Variants in WDR75 observed in about 807,000 individuals in gnomAD.
The protein encoded by WDR75 is WD repeat domain 75, also known as WD repeat-containing protein 75.
In WDR75, 52 loss-of-function variants were observed where a neutral mutation model predicts 106.1. The observed-to-expected ratio is 0.49, with a 90% confidence interval of 0.39 to 0.62. The LOEUF is 0.62. Among genes scored for constraint, WDR75 ranks in the 20% least tolerant of loss-of-function variants. WDR75 has a pLI of 0.00. For synonymous variants in WDR75, 333 were observed against 335.5 expected (o/e 0.99, Z 0.08); for missense variants, 905 against 970.3 (o/e 0.93, Z 0.89).
At chr2:189,450,725 G>T in intron 2 of WDR75, 178 bp from the exon 3 acceptor site, 4 of 1,400,754 alleles carry the variant, frequency 2.9e-6, no homozygotes, top group Non-Finnish European at 3.7e-6. Context: ...TCTGCTTCTT[G>T]CAGAAAGCTG....
intron 18 of WDR75, among the ~76,000 whole-genome samples, 181 bp from the exon 19 acceptor site, chr2:189,474,005 C>T (rs1478462117): frequency 2.0e-5 from 3 of 152,172 alleles, no homozygotes; most frequent in Non-Finnish European, 2.9e-5. Context: ...TAGCTCTTCT[C>T]ATAAGTGGGA....
chr2:189,464,687 G>A (rs142847444), intron 11 of WDR75, among the ~76,000 whole-genome samples: 168 of 152,100 alleles, frequency 1.1e-3, no homozygotes, highest in African/African-American at 3.7e-3. Context: ...CTTAAAGATT[G>A]TAGGTTTATT....
chr2:189,469,764 A>G (rs773439812), intron 16 of WDR75, among the ~76,000 whole-genome samples: 4 of 152,090 alleles, frequency 2.6e-5, no homozygotes, highest in African/African-American at 7.2e-5. Context: ...CAGTTTCTAC[A>G]TATCTCATTT....
chr2:189,458,894 A>G, intron 7 of WDR75, 22 bp downstream of exon 7: 1 of 1,592,780 alleles, frequency 6.3e-7, no homozygotes, highest in Non-Finnish European at 8.5e-7. Flanking sequence ...CATGAAGAGC[A>G]TGGCGATCAT....
chr2:189,459,820 T>C (rs1396396174), intron 8 of WDR75, among the ~76,000 whole-genome samples: 2 of 152,196 alleles, frequency 1.3e-5, no homozygotes, highest in Non-Finnish European at 2.9e-5. Context: ...ATTATACTCA[T>C]TTTACAGATA....
At chr2:189,459,557 T>C (rs1686817209) in intron 8 of WDR75, 133 bp downstream of exon 8, 1 of 835,644 alleles carries the variant, frequency 1.2e-6, no homozygotes, top group Admixed American at 2.7e-5. Context: ...GTGTTACCCC[T>C]GTATTTTGGG....
chr2:189,458,855 T>C lies in WDR75; in HGVS notation c.672T>C (p.Asp224=), dbSNP rs751968810. The C allele has an allele frequency of 2.5e-6, 4 of 1,602,182 alleles. No individual in the cohort carries two copies. In the African/African-American group the frequency reaches 5.4e-5, roughly 22 times the overall value. The change falls in exon 7 of 21, where the codon GAT becomes GAC. Residue 224 remains aspartate, a synonymous_variant. Transcript: ENST00000314761. ...TEDCIASGHM[D]GKIRLWRNFY... Reference sequence around the variant, plus strand: ...ACTGCATCGCATCTGGTCACATGGATGGCAAAATTCGTCTTTGGTCAGTTT... The same window carrying C: ...ACTGCATCGCATCTGGTCACATGGACGGCAAAATTCGTCTTTGGTCAGTTT...
chr2:189,462,194 T>C (rs757083625), intron 8 of WDR75, among the ~76,000 whole-genome samples: 3 of 151,848 alleles, frequency 2.0e-5, no homozygotes, highest in African/African-American at 4.8e-5. Flanking sequence ...TTTAGAAAAA[T>C]TTATCAGTGA....
intron 6 of WDR75, among the ~76,000 whole-genome samples, chr2:189,458,016 C>T (rs926794762): frequency 2.6e-5 from 4 of 151,214 alleles, no homozygotes; most frequent in African/African-American, 4.9e-5. Flanking sequence ...CTCCGCCTCC[C>T]GGGTTCAAGT....
Position 189,466,602 on chromosome 2 carries a change from A to G in WDR75, c.1447+20A>G. 6.3e-7 allele frequency: 1 copy of G among 1,588,650 alleles called. No individual in the cohort carries two copies. The highest frequency in any genetic ancestry group is 1.4e-5 in the African/African-American group (1 of 73,556). ...TATACAGTAAGTTATTAAATATGTT[A>G]TGTTTAAAGTGTGCACAATTTTAGG... On this transcript the variant is annotated intron_variant, in intron 13 of 20. Transcript: ENST00000314761.
At chr2:189,467,742 T>A in intron 14 of WDR75, 94 bp downstream of exon 14, 1 of 1,212,926 alleles carries the variant, frequency 8.2e-7, no homozygotes, top group Non-Finnish European at 1.1e-6. Flanking sequence ...TCTCCAAAAG[T>A]AGCCTGAAGG....
In WDR75 at chr2:189,474,225, T is replaced by G. The variant is rs1394104348; in HGVS notation, c.2089T>G (p.Phe697Val). Residue 697 changes from phenylalanine to valine, a missense_variant, in exon 19 of 21, where the codon TTC becomes GTC. Physicochemically the swap from Phe to Val is conservative, Grantham distance 50. Transcript: ENST00000314761. Reference protein sequence around the residue: ...EESLPTTPFYFILGKHRQQQD... With the variant: ...EESLPTTPFYVILGKHRQQQD... ...AAGTCTTCCCACAACCCCATTTTAT[T>G]TCATATTGGGAAAACACAGGCAACA... The G allele has an allele frequency of 5.0e-6, 8 of 1,613,654 alleles. No homozygotes were observed. Among genetic ancestry groups the G allele is most frequent in the Non-Finnish European group, 5.9e-6 (7 of 1,179,808 alleles).
intron 8 of WDR75, 118 bp from the exon 9 acceptor site, chr2:189,462,366 A>G (rs1686907410): frequency 8.8e-7 from 1 of 1,138,948 alleles, no homozygotes. Context: ...CACTTTTTGT[A>G]GCTTTAAATG....
rs768402861 is a variant in WDR75 at position 189,475,204 on chromosome 2, T to C, written c.2289-9T>C. ...ATAGTGTTTATATTTTATTCTGTTA[T>C]TGTTAAAGTGCTAAGGAAATTCCTG... is the stretch of plus-strand genomic sequence containing the variant. On this transcript the variant is annotated splice_polypyrimidine_tract_variant and intron_variant, in intron 20 of 20. Coordinates refer to ENST00000314761, the MANE Select transcript of WDR75 (RefSeq NM_032168.3). The C allele has an allele frequency of 8.2e-6, 13 of 1,583,252 alleles. No homozygotes were observed. The highest frequency in any genetic ancestry group is 2.7e-5 in the African/African-American group (2 of 73,558).
chr2:189,462,707 G>C, intron 9 of WDR75, 65 bp downstream of exon 9: 1 of 1,491,188 alleles, frequency 6.7e-7, no homozygotes, highest in Non-Finnish European at 9.1e-7. Context: ...CATCTGTAGG[G>C]AACAGAGAAT....
intron 2 of WDR75, chr2:189,450,280 T>C: frequency 1.0e-6 from 1 of 985,646 alleles, no homozygotes; most frequent in Non-Finnish European, 1.2e-6. Context: ...AAAAGGAGTT[T>C]GGCTAATAAA....
chr2:189,441,524 G>A lies in WDR75; in HGVS notation c.32G>A (p.Arg11His). 3 of 1,566,274 alleles carry A rather than the reference G, an allele frequency of 1.9e-6. No individual in the cohort carries two copies. Among genetic ancestry groups the A allele is most frequent in the Non-Finnish European group, 2.6e-6 (3 of 1,154,196 alleles). ...GAGGAGGAGAACATCCGCGTGGTTC[G>A]TTGTGGCGGCAGCGAGTTGAACTTT... MVEEENIRVV[R>H]CGGSELNFRR... Residue 11 changes from arginine to histidine, a missense_variant, in exon 1 of 21, where the codon CGT (arginine) becomes CAT (histidine). Coordinates refer to ENST00000314761, the MANE Select transcript of WDR75 (RefSeq NM_032168.3).
At chr2:189,449,413 C>T (rs982189907) in intron 2 of WDR75, 9 of 1,251,504 alleles carry the variant, frequency 7.2e-6, no homozygotes, top group Non-Finnish European at 9.3e-6. Context: ...ATATTTTATG[C>T]TTGCCGTCCT....
chr2:189,441,699 G>A (rs773977440), intron 1 of WDR75, 121 bp downstream of exon 1: 11 of 1,153,330 alleles, frequency 9.5e-6, no homozygotes, highest in Non-Finnish European at 1.4e-5. Context: ...GCTTTGGGTA[G>A]AGCACGCGCC....
Sources: gnomAD v4.1 joint callset for allele counts (sites outside exome capture counted in the v4.1 genomes callset) on GRCh38, gnomAD v4.1.1 for gene constraint, MANE v1.5 for transcripts, NCBI Gene and HGNC (gene_info 2026-07-23, HGNC 2026-07-21) for gene names.